The following LINGO2 variants were observed in gnomAD, a reference collection of about 807,000 sequenced individuals.
The protein encoded by LINGO2 is leucine rich repeat and Ig domain containing 2.
In LINGO2, 14 loss-of-function variants were observed where a neutral mutation model predicts 30.6. The ratio of observed to expected loss-of-function variants is 0.46; its 90% CI spans 0.30 to 0.72. LINGO2 has a LOEUF of 0.72. Among genes scored for constraint, LINGO2 ranks in the 30% least tolerant of loss-of-function variants. LINGO2 has a pLI of 0.07. For missense variants in LINGO2, 729 were observed against 751.7 expected (o/e 0.97, Z 0.35); for synonymous variants, 317 against 288.5 (o/e 1.10, Z -1.00).
chr9:28,634,158 G>C (rs1352571036), intron 1 of LINGO2, among the ~76,000 whole-genome samples: 1 of 152,094 alleles, frequency 6.6e-6, no homozygotes, highest in Non-Finnish European at 1.5e-5. Context: ...TTACATTTAG[G>C]TCTTACTAGT....
intron 4 of LINGO2, among the ~76,000 whole-genome samples, chr9:28,026,565 A>T (rs1297498878): frequency 6.6e-6 from 1 of 152,226 alleles, no homozygotes; most frequent in African/African-American, 2.4e-5. Context: ...CATTCTTACC[A>T]TGGGGACCCC....
chr9:28,612,844 G>A (rs1825977273), intron 1 of LINGO2, among the ~76,000 whole-genome samples: 1 of 152,000 alleles, frequency 6.6e-6, no homozygotes, highest in South Asian at 2.1e-4. Flanking sequence ...GGGGAGCCAG[G>A]GGGTGAAATG....
exon 6 of LINGO2, chr9:27,948,729 A>G: frequency 8.6e-7 from 1 of 1,161,248 alleles, no homozygotes; most frequent in Non-Finnish European, 1.2e-6. Context: ...GCTTCCATAG[A>G]CCCTGCTTTT....
At chr9:28,668,889 A>T (rs1390570062) in intron 1 of LINGO2, among the ~76,000 whole-genome samples, 1 of 152,044 alleles carries the variant, frequency 6.6e-6, no homozygotes, top group Admixed American at 6.6e-5. Flanking sequence ...TTTTCACAAG[A>T]TTGTCAATTT....
At chr9:28,773,474 T>G in the LINGO2 span, among the ~76,000 whole-genome samples, 10,418 of 151,858 alleles carry the variant, frequency 0.069, 1,179 homozygotes, top group African/African-American at 0.23. Flanking sequence ...AAAAAATTAG[T>G]GGGATGATGG....
the LINGO2 span, among the ~76,000 whole-genome samples, chr9:29,180,787 T>C: frequency 6.6e-6 from 1 of 152,058 alleles, no homozygotes; most frequent in African/African-American, 2.4e-5. Context: ...GAAAGCAAAA[T>C]CAGTGGTACA....
At chr9:28,085,670 C>A (rs1405028125) in intron 4 of LINGO2, among the ~76,000 whole-genome samples, 1 of 151,920 alleles carries the variant, frequency 6.6e-6, no homozygotes, top group African/African-American at 2.4e-5. Context: ...TCCAGCGATC[C>A]CAGAGAATGA....
At chr9:29,146,304 G>A in the LINGO2 span, among the ~76,000 whole-genome samples, 3 of 151,868 alleles carry the variant, frequency 2.0e-5, no homozygotes, top group African/African-American at 2.4e-5. Flanking sequence ...GCAGTGAGTC[G>A]AGATCACACC....
intron 3 of LINGO2, among the ~76,000 whole-genome samples, chr9:28,325,648 G>A (rs965460109): frequency 1.2e-4 from 19 of 152,224 alleles, no homozygotes; most frequent in African/African-American, 4.1e-4. Context: ...TGTCTCGTCT[G>A]TCACCATGTA....
chr9:27,978,383 T>G (rs1385596526), intron 5 of LINGO2, among the ~76,000 whole-genome samples: 1 of 152,110 alleles, frequency 6.6e-6, no homozygotes, highest in African/African-American at 2.4e-5. Flanking sequence ...ATTTATATGT[T>G]AAATCCTAAC....
chr9:28,413,092 T>C (rs1205523441), intron 2 of LINGO2, among the ~76,000 whole-genome samples: 1 of 152,162 alleles, frequency 6.6e-6, no homozygotes, highest in Non-Finnish European at 1.5e-5. Context: ...GTAATACACA[T>C]AGCATACAGA....
intron 3 of LINGO2, among the ~76,000 whole-genome samples, chr9:28,358,142 A>G (rs1820300192): frequency 2.6e-5 from 4 of 152,300 alleles, no homozygotes; most frequent in Admixed American, 2.6e-4. Context: ...TAACCATAAC[A>G]GTAAAACTTA....
intron 4 of LINGO2, among the ~76,000 whole-genome samples, chr9:28,091,722 C>G (rs1403542852): frequency 6.6e-6 from 1 of 152,148 alleles, no homozygotes; most frequent in Non-Finnish European, 1.5e-5. Flanking sequence ...AACTAAAGAG[C>G]TTCTGCAGAG....
At chr9:28,499,586 A>C (rs772972543) in intron 1 of LINGO2, among the ~76,000 whole-genome samples, 5 of 152,246 alleles carry the variant, frequency 3.3e-5, no homozygotes, top group Non-Finnish European at 5.9e-5. Context: ...GACTTTGGGT[A>C]AGTTACTCAA....
intron 5 of LINGO2, among the ~76,000 whole-genome samples, chr9:27,972,002 T>C (rs1342991359): frequency 6.6e-6 from 1 of 152,206 alleles, no homozygotes; most frequent in African/African-American, 2.4e-5. Flanking sequence ...CTTCTGTTAG[T>C]GCTCATGTTT....
At chr9:28,994,449 T>C in the LINGO2 span, among the ~76,000 whole-genome samples, 261 of 137,264 alleles carry the variant, frequency 1.9e-3, no homozygotes, top group South Asian at 3.8e-3. Flanking sequence ...CTGCCCAAGG[T>C]AATTTATGGA....
At chr9:28,288,009 A>T (rs946348457) in intron 4 of LINGO2, among the ~76,000 whole-genome samples, 1 of 152,204 alleles carries the variant, frequency 6.6e-6, no homozygotes, top group Non-Finnish European at 1.5e-5. Context: ...CACTACAGAT[A>T]CAATAGGCTA....
the LINGO2 span, among the ~76,000 whole-genome samples, chr9:28,779,952 AGT>A: frequency 6.6e-6 from 1 of 152,056 alleles, no homozygotes; most frequent in Non-Finnish European, 1.5e-5. Flanking sequence ...AGGACAAAAA[AGT>A]GTGTTTAATG....
chr9:28,715,084 C>T, the LINGO2 span, among the ~76,000 whole-genome samples: 2 of 152,074 alleles, frequency 1.3e-5, no homozygotes, highest in Non-Finnish European at 2.9e-5. Context: ...CCTGACTAAA[C>T]AAAAAATTTA....
Sources: gnomAD v4.1 joint callset for allele counts (sites outside exome capture counted in the v4.1 genomes callset) on GRCh38, gnomAD v4.1.1 for gene constraint, MANE v1.5 for transcripts, NCBI Gene and HGNC (gene_info 2026-07-23, HGNC 2026-07-21) for gene names.